ATF5: variants seen among roughly 807,000 people sequenced by gnomAD.
ATF5 encodes the protein activating transcription factor 5.
In ATF5, 6 loss-of-function variants were observed where a neutral mutation model predicts 4.6. The ratio of observed to expected loss-of-function variants is 1.31; its 90% CI spans 0.72 to 2.59. ATF5 has a LOEUF of 2.59. ATF5 is among the 30% of genes most tolerant of loss of function. The probability of loss-of-function intolerance (pLI) is 0.00; values close to 1 mark genes in which losing one functional copy is unlikely to be tolerated. For missense variants in ATF5, 410 were observed against 368.7 expected (o/e 1.11, Z -0.92); for synonymous variants, 193 against 165.0 (o/e 1.17, Z -1.30).
intron 2 of ATF5, 170 bp downstream of exon 2, chr19:49,931,198 C>T (rs1037048721): frequency 1.9e-5 from 10 of 535,102 alleles, no homozygotes; most frequent in Admixed American, 3.7e-5. Context: ...TGCCTTCCAG[C>T]AGCTCACACT....
rs1257603757 is a variant in ATF5 at position 49,930,921 on chromosome 19, T to C, written c.71T>C (p.Leu24Pro). The C allele has an allele frequency of 2.5e-6, 4 of 1,611,930 alleles. No individual in the cohort carries two copies. In the African/African-American group the frequency reaches 5.3e-5, roughly 22 times the overall value. Residue 24 changes from leucine (L) to proline (P), a missense_variant, in exon 2 of 3, where the codon CTC becomes CCC. Coordinates refer to ENST00000423777, the MANE Select transcript of ATF5 (RefSeq NM_001193646.2). ...CTCCCAGCTAGTGGGCTGGGATGGC[T>C]CGTAGACTATGGGAAACTCCCCCCG... ...ALLPASGLGW[L>P]VDYGKLPPAP...
chr19:49,932,821 A>C lies in ATF5; in HGVS notation c.578A>C (p.Gln193Pro), dbSNP rs771872102. 1.6e-4 allele frequency: 254 copies of C among 1,609,120 alleles called. No individual in the cohort carries two copies. The highest frequency in any genetic ancestry group is 2.0e-4 in the Non-Finnish European group (230 of 1,178,198). ...PQQPPPPSPP[Q>P]PSRLAPYPHP... ...CAGCCCCCTCCTCCTTCTCCACCTC[A>C]ACCTTCTCGCCTGGCCCCCTACCCA... The change falls in exon 3 of 3, where the codon CAA (glutamine) becomes CCA (proline). Residue 193 changes from glutamine (Q) to proline (P), a missense_variant. Gln to Pro is a moderately conservative substitution (Grantham distance 76, BLOSUM62 -1). Transcript: ENST00000423777.
chr19:49,933,029 G>C lies in ATF5; in HGVS notation c.786G>C (p.Gln262His), dbSNP rs1232784541. The stretch of plus-strand genomic sequence containing the variant: ...CAGAGTCCGTGGAGCGCGAGATCCA[G>C]TACGTCAAGGACCTGCTCATCGAGG... Reference protein sequence around the residue: ...ERAESVEREIQYVKDLLIEVY... With the variant: ...ERAESVEREIHYVKDLLIEVY... The change falls in exon 3 of 3, where the codon CAG (glutamine) becomes CAC (histidine). Residue 262 changes from glutamine to histidine, a missense_variant. Coordinates refer to ENST00000423777, the MANE Select transcript of ATF5 (RefSeq NM_001193646.2). 6 of 1,613,388 alleles carry C rather than the reference G, an allele frequency of 3.7e-6. No individual in the cohort carries two copies. Among genetic ancestry groups the C allele is most frequent in the African/African-American group, 1.3e-5 (1 of 74,918 alleles).
Position 49,933,501 on chromosome 19 carries a change from G to A in ATF5, c.*409G>A, listed in dbSNP as rs1044297. On this transcript the variant is annotated 3_prime_UTR_variant, in exon 3 of 3. Transcript: ENST00000423777. ...ACAGCCGAGGCACCGAGGCCCACAG[G>A]GAAGCAGCTGGGAGCTTGGAAACCT... The A allele has an allele frequency of 0.3, 48,173 of 159,168 alleles. 7,956 individuals are homozygous for A. The highest frequency in any genetic ancestry group is 0.44 in the East Asian group (2,401 of 5,450). 9.9% of individuals were successfully genotyped at this position (159,168 alleles called of 1,614,324 possible).
In ATF5 at chr19:49,933,615, AT is replaced by A. The variant is rs1357679979; in HGVS notation, c.*524del. On this transcript the variant is annotated 3_prime_UTR_variant, in exon 3 of 3. Coordinates refer to ENST00000423777, the MANE Select transcript of ATF5 (RefSeq NM_001193646.2). ...AGGATAGAGCTGAAGGACTATGCAA[AT>A]GAGGAAGTAAGTCAGGGCGGGCTTT... The A allele has an allele frequency of 6.5e-6, 1 of 153,314 alleles. No homozygotes were observed. Among genetic ancestry groups the A allele is most frequent in the East Asian group, 1.9e-4 (1 of 5,172 alleles). The allele number at this position is 153,314 out of a possible 1,614,324, so 9.5% of individuals were successfully genotyped here.
At chr19:49,932,254 GTTTC>G (rs2076070251) in intron 2 of ATF5, among the ~76,000 whole-genome samples, 164 bp from the exon 3 acceptor site, 1 of 152,084 alleles carries the variant, frequency 6.6e-6, no homozygotes, top group East Asian at 1.9e-4. Context: ...TGGTTTATTG[GTTTC>G]TTCACTGGTT....
rs1172867290 is a variant in ATF5, at chr19:49,932,634, C to T, written c.391C>T (p.Pro131Ser). 7.5e-7 allele frequency: 1 copy of T among 1,333,496 alleles called. No homozygotes were observed. The highest frequency in any genetic ancestry group is 1.0e-6 in the Non-Finnish European group (1 of 984,784). 82.6% of individuals were successfully genotyped at this position (1,333,496 alleles called of 1,614,324 possible). A position where few individuals can be genotyped will look rare whatever the true frequency, so the allele number is the denominator to read the frequency against. ...CCCACCACCCTCCCCGCCGCCACTACCACCACCACCACTACCACCAGCCCC... is the reference window on the plus strand; with the variant it reads ...CCCACCACCCTCCCCGCCGCCACTATCACCACCACCACTACCACCAGCCCC... ...PLPPPSPPPL[P>S]PPPLPPAPSL... The change falls in exon 3 of 3, where the codon CCA becomes TCA. Residue 131 changes from proline (P) to serine (S), a missense_variant. Transcript: ENST00000423777.
rs1251488181 is a variant in ATF5 at position 49,932,942 on chromosome 19, T to C, written c.699T>C (p.Gly233=). The change falls in exon 3 of 3, where the codon GGT becomes GGC. Residue 233 remains glycine (G), a synonymous_variant. Coordinates refer to ENST00000423777, the MANE Select transcript of ATF5 (RefSeq NM_001193646.2). ...LRYRQRKRAE[G]EALEGECQGL... ...ACCGCCAGCGGAAGCGGGCAGAGGG[T>C]GAGGCCCTGGAGGGCGAGTGCCAGG... The C allele has an allele frequency of 3.7e-6, 6 of 1,613,458 alleles. No individual in the cohort carries two copies. Among genetic ancestry groups the C allele is most frequent in the Non-Finnish European group, 5.1e-6 (6 of 1,179,868 alleles).
chr19:49,931,665 A>T (rs2076065154), intron 2 of ATF5, among the ~76,000 whole-genome samples: 2 of 152,040 alleles, frequency 1.3e-5, no homozygotes, highest in East Asian at 3.9e-4. Context: ...AAAAAAAAGT[A>T]GGGAAGGAAT....
At position 49,932,696 on chromosome 19, in the gene ATF5, C is replaced by T. The variant is rs758619471; in HGVS notation, c.453C>T (p.Pro151=). 1 of 1,598,134 alleles carries T rather than the reference C, an allele frequency of 6.3e-7. No homozygotes were observed. The highest frequency in any genetic ancestry group is 1.1e-5 in the South Asian group (1 of 88,490). ...TGTCCCTCCCCTCCTTTGACCTCCC[C>T]CAGCCCCCTGTCTTGGATACTCTGG... ...LPLSLPSFDL[P]QPPVLDTLDL... Residue 151 remains proline (P), a synonymous_variant, in exon 3 of 3, where the codon CCC becomes CCT. Coordinates refer to ENST00000423777, the MANE Select transcript of ATF5 (RefSeq NM_001193646.2).
chr19:49,929,737 C>T (rs553029930), intron 1 of ATF5: 1 of 152,170 alleles, frequency 6.6e-6, no homozygotes, highest in Non-Finnish European at 1.5e-5. Flanking sequence ...GAGCTGCGGA[C>T]CCTGAATGGC....
intron 2 of ATF5, 89 bp downstream of exon 2, chr19:49,931,117 AGTGC>A: frequency 2.5e-6 from 3 of 1,207,902 alleles, no homozygotes; most frequent in Non-Finnish European, 3.4e-6. Context: ...ATAAATATTG[AGTGC>A]CTACAATGTG....
chr19:49,931,913 C>T (rs1256271207), intron 2 of ATF5, among the ~76,000 whole-genome samples: 2 of 151,588 alleles, frequency 1.3e-5, no homozygotes, highest in African/African-American at 4.9e-5. Flanking sequence ...ATACAGAGTA[C>T]TCGGTAAAGG....
intron 2 of ATF5, 79 bp from the exon 3 acceptor site, chr19:49,932,343 T>C: frequency 3.7e-6 from 5 of 1,368,072 alleles, no homozygotes; most frequent in Non-Finnish European, 3.1e-6. Flanking sequence ...TGCACCTGAA[T>C]GAGACGTGAG....
chr19:49,932,200 TTGAC>T (rs1296649808), intron 2 of ATF5, among the ~76,000 whole-genome samples: 3 of 152,070 alleles, frequency 2.0e-5, no homozygotes, highest in Non-Finnish European at 4.4e-5. Flanking sequence ...GGTTGGTTGG[TTGAC>T]TGGGTGGTTA....
Position 49,930,760 on chromosome 19 carries a change from T to TCATTAAGAAA in ATF5, c.-91_-90insCATTAAGAAA. 1 of 1,181,554 alleles carries TCATTAAGAAA rather than the reference T, an allele frequency of 8.5e-7. No homozygotes were observed. Among genetic ancestry groups the TCATTAAGAAA allele is most frequent in the South Asian group, 1.8e-5 (1 of 56,098 alleles). The allele number at this position is 1,181,554 out of a possible 1,614,324, so 73.2% of individuals were successfully genotyped here. On this transcript the variant is annotated 5_prime_UTR_variant, in exon 2 of 3. Transcript: ENST00000423777. ...TTCCACTTTCGCCTTGGTGCCTGTC[T>TCATTAAGAAA]TCGCCCACCTGAGCATCCTCCAGAG...
intron 2 of ATF5, 152 bp downstream of exon 2, chr19:49,931,180 A>G (rs983694120): frequency 3.1e-6 from 2 of 641,304 alleles, no homozygotes; most frequent in Non-Finnish European, 2.5e-6. Flanking sequence ...CAAGAAGAAC[A>G]TGGTCTGTGC....
intron 2 of ATF5, among the ~76,000 whole-genome samples, chr19:49,931,407 T>C (rs1362946087): frequency 6.6e-6 from 1 of 152,094 alleles, no homozygotes; most frequent in Non-Finnish European, 1.5e-5. Context: ...ATCCCAGCAC[T>C]TTGGGAGGCC....
At position 49,933,824 on chromosome 19, in the gene ATF5, AATC is replaced by A. The variant is rs2076090277; in HGVS notation, c.*734_*736del. ...TGTTCATTTTAGCTCTAAGAAAAAA[AATC>A]AGTGTTTCGTGAAGGTGTTGGAGAG... is the stretch of plus-strand genomic sequence containing the variant. On this transcript the variant is annotated 3_prime_UTR_variant, in exon 3 of 3. Transcript: ENST00000423777. 6.5e-6 allele frequency: 1 copy of A among 152,890 alleles called. No homozygotes were observed. Among genetic ancestry groups the A allele is most frequent in the Non-Finnish European group, 1.5e-5 (1 of 68,084 alleles). 9.5% of individuals were successfully genotyped at this position (152,890 alleles called of 1,614,324 possible).
Sources: allele counts gnomAD v4.1 joint callset (sites outside exome capture counted in the v4.1 genomes callset), GRCh38; gene constraint gnomAD v4.1.1; transcripts MANE v1.5; gene names NCBI Gene and HGNC (gene_info 2026-07-23, HGNC 2026-07-21).